Variants in EYA2 observed in about 807,000 individuals in gnomAD.
EYA2 encodes the protein protein phosphatase EYA2.
EYA2 carries 31 observed loss-of-function variants against 69.2 expected under a neutral mutation model. That is an observed-to-expected ratio of 0.45 (90% CI 0.34 to 0.60). EYA2 has a LOEUF of 0.60. Ranked by LOEUF, EYA2 falls within the 20% of genes least tolerant of loss-of-function variation. EYA2 has a pLI of 0.02. For missense variants in EYA2, 622 were observed against 701.2 expected (o/e 0.89, Z 1.28); for synonymous variants, 257 against 279.4 (o/e 0.92, Z 0.80).
chr20:47,132,967 G>A (rs2033378373), intron 9 of EYA2, among the ~76,000 whole-genome samples: 1 of 152,188 alleles, frequency 6.6e-6, no homozygotes, highest in Non-Finnish European at 1.5e-5. Context: ...AGCAGGCCTT[G>A]TCTATGCCGC....
In EYA2 at chr20:47,172,784, G is replaced by A; in HGVS notation, c.1115G>A (p.Gly372Asp). 2 of 1,614,164 alleles carry A rather than the reference G, an allele frequency of 1.2e-6. No individual in the cohort carries two copies. The highest frequency in any genetic ancestry group is 1.7e-6 in the Non-Finnish European group (2 of 1,180,030). ...CTGTGCCTGGGCTCTGGCGTGCACG[G>A]CGGCGTGGACTGGATGAGGAAGCTG... is the stretch of plus-strand genomic sequence containing the variant. ...ANLCLGSGVH[G>D]GVDWMRKLAF... Residue 372 changes from glycine (G) to aspartate (D), a missense_variant, in exon 12 of 16, where the codon GGC becomes GAC. Gly to Asp is a moderately conservative substitution (Grantham distance 94). This residue lies in a region of EYA2 where 257 missense variants were observed against 351.5 expected (regional missense o/e 0.73). Transcript: ENST00000327619.
chr20:46,898,926 T>C (rs1476376714), intron 1 of EYA2, among the ~76,000 whole-genome samples: 2 of 152,248 alleles, frequency 1.3e-5, no homozygotes, highest in South Asian at 2.1e-4. Context: ...ATTGAGTTCC[T>C]TTGTCATTTC....
intron 1 of EYA2, among the ~76,000 whole-genome samples, chr20:46,972,468 TC>T (rs1273296402): frequency 3.3e-5 from 5 of 152,224 alleles, no homozygotes; most frequent in African/African-American, 1.2e-4. Flanking sequence ...TGCACCTTGT[TC>T]CGGCTCTGCC....
chr20:47,102,324 G>T (rs556412936), intron 9 of EYA2, among the ~76,000 whole-genome samples: 1 of 152,336 alleles, frequency 6.6e-6, no homozygotes, highest in South Asian at 2.1e-4. Context: ...AGGAGGGGCA[G>T]ATCAGCTCCA....
At chr20:46,946,330 A>G (rs1032970748) in intron 1 of EYA2, among the ~76,000 whole-genome samples, 6 of 152,172 alleles carry the variant, frequency 3.9e-5, no homozygotes, top group Admixed American at 3.3e-4. Flanking sequence ...TTTAACATTT[A>G]TGGAGCACGT....
chr20:47,102,728 C>A (rs1302290093), intron 9 of EYA2, among the ~76,000 whole-genome samples: 2 of 152,184 alleles, frequency 1.3e-5, no homozygotes, highest in East Asian at 3.8e-4. Context: ...TCTTCCTCCC[C>A]AGTGCTCAGA....
At chr20:47,004,670 G>T (rs780726290) in intron 3 of EYA2, among the ~76,000 whole-genome samples, 1 of 152,258 alleles carries the variant, frequency 6.6e-6, no homozygotes, top group African/African-American at 2.4e-5. Flanking sequence ...GTGTTCATTG[G>T]CCAGGCCTGC....
chr20:47,180,424 G>A (rs1347297705), intron 13 of EYA2, among the ~76,000 whole-genome samples: 1 of 152,072 alleles, frequency 6.6e-6, no homozygotes, highest in Non-Finnish European at 1.5e-5. Flanking sequence ...GGGCCCAACA[G>A]GTTTCCAGGT....
intron 9 of EYA2, among the ~76,000 whole-genome samples, chr20:47,122,550 G>A (rs1037308094): frequency 5.9e-5 from 9 of 151,686 alleles, no homozygotes; most frequent in Admixed American, 4.6e-4. Flanking sequence ...CACCTATCTC[G>A]GCCTCCCAAA....
At chr20:47,107,904 A>C (rs1431005425) in intron 9 of EYA2, among the ~76,000 whole-genome samples, 1 of 152,238 alleles carries the variant, frequency 6.6e-6, no homozygotes, top group African/African-American at 2.4e-5. Context: ...GAAGGAGGCC[A>C]CACAGAGAAG....
intron 10 of EYA2, among the ~76,000 whole-genome samples, chr20:47,155,623 G>C (rs1018185348): frequency 6.6e-6 from 1 of 151,864 alleles, no homozygotes; most frequent in African/African-American, 2.4e-5. Flanking sequence ...TTTGCACCAG[G>C]CATTGCGCAT....
chr20:46,980,757 T>C (rs1980782067), intron 1 of EYA2, among the ~76,000 whole-genome samples: 1 of 152,150 alleles, frequency 6.6e-6, no homozygotes. Flanking sequence ...CTCTTCATCC[T>C]CCCCACCACC....
chr20:47,068,625 C>G (rs557602268), intron 5 of EYA2, among the ~76,000 whole-genome samples: 1 of 152,098 alleles, frequency 6.6e-6, no homozygotes, highest in Non-Finnish European at 1.5e-5. Flanking sequence ...CTTTTTTGTT[C>G]TGTTTTGTTT....
intron 15 of EYA2, among the ~76,000 whole-genome samples, chr20:47,187,324 A>G (rs2034664167): frequency 6.6e-6 from 1 of 151,732 alleles, no homozygotes; most frequent in East Asian, 2.0e-4. Flanking sequence ...AGCAGAGATC[A>G]TGTCACTGCA....
intron 2 of EYA2, among the ~76,000 whole-genome samples, chr20:46,994,964 G>T (rs1021269435): frequency 6.6e-6 from 1 of 151,518 alleles, no homozygotes; most frequent in Admixed American, 6.6e-5. Context: ...GCAGTGGCAC[G>T]ATCTCGGCTC....
In EYA2 at chr20:47,183,312, G is replaced by A. The variant is rs1366191204; in HGVS notation, c.1457G>A (p.Arg486Lys). ...TKTGKESCFERIMQRFGRKAV... is the reference protein window; with the variant it reads ...TKTGKESCFEKIMQRFGRKAV... The stretch of plus-strand genomic sequence containing the variant: ...GCAGGGAAGGAGAGCTGCTTCGAGA[G>A]GATAATGCAGAGATTCGGCAGAAAA... Residue 486 changes from arginine (R) to lysine (K), a missense_variant, in exon 15 of 16, where the codon AGG (arginine) becomes AAG (lysine). By Grantham distance (26) the Arg-to-Lys change is conservative. This residue lies in a region of EYA2 where 257 missense variants were observed against 351.5 expected (regional missense o/e 0.73). Transcript: ENST00000327619. The A allele has an allele frequency of 1.1e-5, 17 of 1,614,040 alleles. No individual in the cohort carries two copies. The highest frequency in any genetic ancestry group is 1.4e-5 in the Non-Finnish European group (16 of 1,180,024).
chr20:47,160,971 G>A (rs2034053611), intron 10 of EYA2: 1 of 294,086 alleles, frequency 3.4e-6, no homozygotes, highest in African/African-American at 2.2e-5. Flanking sequence ...TCTCCTTCCA[G>A]AGGTTGGGGG....
chr20:47,095,462 G>A (rs1166116239), intron 8 of EYA2, among the ~76,000 whole-genome samples: 1 of 152,088 alleles, frequency 6.6e-6, no homozygotes, highest in Non-Finnish European at 1.5e-5. Context: ...GTAGAAAGAT[G>A]CAAGTCATTG....
intron 5 of EYA2, among the ~76,000 whole-genome samples, chr20:47,029,486 A>C (rs184938105): frequency 8.5e-5 from 13 of 152,232 alleles, no homozygotes; most frequent in African/African-American, 2.9e-4. Context: ...TGGGGTTGAC[A>C]TAACTGTATC....
Sources: gnomAD v4.1 joint callset for allele counts (sites outside exome capture counted in the v4.1 genomes callset) on GRCh38, gnomAD v4.1.1 for gene constraint, gnomAD v4.1.1 regional missense constraint, MANE v1.5 for transcripts, NCBI Gene and HGNC (gene_info 2026-07-23, HGNC 2026-07-21) for gene names.